LRMDA: variants seen among roughly 807,000 people sequenced by gnomAD.
LRMDA encodes leucine-rich melanocyte differentiation-associated protein.
In LRMDA, 18 loss-of-function variants were observed where a neutral mutation model predicts 29.8. The ratio of observed to expected loss-of-function variants is 0.60; its 90% CI spans 0.42 to 0.90. The LOEUF (loss-of-function observed/expected upper bound fraction) is 0.90. Among genes scored for constraint, LRMDA ranks in the 40% least tolerant of loss-of-function variants. The pLI, the probability that LRMDA is intolerant of heterozygous loss-of-function variation, is 0.00. For missense variants in LRMDA, 273 were observed against 273.9 expected (o/e 1.00, Z 0.02); for synonymous variants, 125 against 109.4 (o/e 1.14, Z -0.89).
In LRMDA at chr10:75,915,043, A is replaced by C. The variant is rs549700000; in HGVS notation, c.132-120965A>C. On this transcript the variant is annotated intron_variant, in intron 2 of 6. Transcript: ENST00000611255. ...AAGTTACTATGTCATGACTGACTAC[A>C]AATACTATAGCTTTATATTATAATG... Among the ~76,000 whole-genome samples, 64 of 152,096 alleles carry C rather than the reference A, an allele frequency of 4.2e-4. No individual in the cohort carries two copies. The South Asian group carries it at 0.011, about 27-fold the overall frequency.
At chr10:76,214,356 A>G (rs11001690) in intron 5 of LRMDA, among the ~76,000 whole-genome samples, 1 of 119,346 alleles carries the variant, frequency 8.4e-6, no homozygotes, top group Non-Finnish European at 1.6e-5. Context: ...TTTTTTTTTT[A>G]TGAGACGGAG....
At chr10:75,723,026 C>T (rs1019628455) in intron 2 of LRMDA, among the ~76,000 whole-genome samples, 1 of 152,194 alleles carries the variant, frequency 6.6e-6, no homozygotes, top group Non-Finnish European at 1.5e-5. Context: ...TCAATTTAGT[C>T]TTCTATTGAA....
intron 2 of LRMDA, among the ~76,000 whole-genome samples, chr10:75,483,189 C>T (rs1232766833): frequency 2.0e-5 from 3 of 152,234 alleles, no homozygotes; most frequent in East Asian, 1.9e-4. Flanking sequence ...TCAGGCAATC[C>T]ACCCGCCTCA....
At chr10:76,492,614 C>T (rs1273337014) in intron 6 of LRMDA, among the ~76,000 whole-genome samples, 1 of 151,948 alleles carries the variant, frequency 6.6e-6, no homozygotes, top group East Asian at 1.9e-4. Context: ...TGTATTAATT[C>T]GTTTTCATAC....
intron 5 of LRMDA, among the ~76,000 whole-genome samples, chr10:76,257,414 A>G (rs540601222): frequency 6.6e-6 from 1 of 151,334 alleles, no homozygotes; most frequent in Admixed American, 6.6e-5. Flanking sequence ...GCTCACTGCA[A>G]CCTCTGGCTC....
chr10:75,840,640 GA>G (rs937493447), intron 2 of LRMDA, among the ~76,000 whole-genome samples: 2 of 152,152 alleles, frequency 1.3e-5, no homozygotes, highest in African/African-American at 4.8e-5. Flanking sequence ...AACTGGAGGG[GA>G]AAAAACCTAC....
At chr10:75,805,218 A>G (rs1400197697) in intron 2 of LRMDA, among the ~76,000 whole-genome samples, 1 of 152,132 alleles carries the variant, frequency 6.6e-6, no homozygotes, top group African/African-American at 2.4e-5. Flanking sequence ...TTTTAGCCCT[A>G]AAGTACTGTG....
intron 2 of LRMDA, among the ~76,000 whole-genome samples, chr10:75,766,789 C>T (rs1177275409): frequency 2.0e-5 from 3 of 152,040 alleles, no homozygotes; most frequent in Non-Finnish European, 4.4e-5. Flanking sequence ...TGCCCTCCCT[C>T]CCCTTTCCCC....
chr10:75,740,451 C>T (rs1453504826), intron 2 of LRMDA, among the ~76,000 whole-genome samples: 1 of 152,166 alleles, frequency 6.6e-6, no homozygotes, highest in East Asian at 1.9e-4. Flanking sequence ...TGTGTGATGT[C>T]TGGATTTAGG....
intron 2 of LRMDA, among the ~76,000 whole-genome samples, chr10:75,967,161 G>A (rs905699195): frequency 5.3e-5 from 8 of 152,160 alleles, no homozygotes; most frequent in African/African-American, 9.7e-5. Context: ...CCAATCCCTC[G>A]TCCCTCCTTT....
At chr10:75,881,632 C>G (rs1845296374) in intron 2 of LRMDA, among the ~76,000 whole-genome samples, 1 of 152,154 alleles carries the variant, frequency 6.6e-6, no homozygotes, top group Non-Finnish European at 1.5e-5. Context: ...TTTCCACAAC[C>G]AGTGAGACTG....
rs1478329726 is a variant in LRMDA at position 76,557,970 on chromosome 10, A to G, written c.*682A>G. 6.6e-6 allele frequency: 1 copy of G among 152,132 alleles called. No homozygotes were observed. Among genetic ancestry groups the G allele is most frequent in the Non-Finnish European group, 1.5e-5 (1 of 68,088 alleles). The allele number at this position is 152,132 out of a possible 1,614,324, so 9.4% of individuals were successfully genotyped here. Reference sequence around the variant, plus strand: ...GGCTTCATGTTGCTACAATCCCTTTATTGGCGTAAATAGCTTTCCCTAAAT... The same window carrying G: ...GGCTTCATGTTGCTACAATCCCTTTGTTGGCGTAAATAGCTTTCCCTAAAT... On this transcript the variant is annotated 3_prime_UTR_variant, in exon 7 of 7. Transcript: ENST00000611255.
At chr10:76,075,700 G>A (rs1848945433) in intron 5 of LRMDA, among the ~76,000 whole-genome samples, 1 of 152,176 alleles carries the variant, frequency 6.6e-6, no homozygotes, top group African/African-American at 2.4e-5. Flanking sequence ...TTGCTCATCT[G>A]TAAAATGGGT....
intron 2 of LRMDA, among the ~76,000 whole-genome samples, chr10:75,718,281 C>G (rs1454950472): frequency 1.9e-4 from 29 of 152,210 alleles, no homozygotes; most frequent in Admixed American, 1.8e-3. Flanking sequence ...TTGAGCTGTT[C>G]TCTTCTGGGT....
At chr10:76,311,269 G>A (rs942943827) in intron 5 of LRMDA, among the ~76,000 whole-genome samples, 3 of 152,036 alleles carry the variant, frequency 2.0e-5, no homozygotes, top group South Asian at 2.1e-4. Flanking sequence ...TACTTTAATC[G>A]GATAGAAACT....
intron 6 of LRMDA, among the ~76,000 whole-genome samples, chr10:76,366,239 C>T (rs1841390940): frequency 6.6e-6 from 1 of 152,038 alleles, no homozygotes; most frequent in Admixed American, 6.6e-5. Context: ...TTTTTGGTTC[C>T]ATAAGCATTT....
chr10:75,535,419 A>G (rs1839934700), intron 2 of LRMDA, among the ~76,000 whole-genome samples: 1 of 152,046 alleles, frequency 6.6e-6, no homozygotes, highest in East Asian at 1.9e-4. Context: ...TCGTCCTTTT[A>G]TGAAGTGCAC....
chr10:76,398,305 A>T (rs1450873503), intron 6 of LRMDA, among the ~76,000 whole-genome samples: 1 of 152,152 alleles, frequency 6.6e-6, no homozygotes, highest in Non-Finnish European at 1.5e-5. Flanking sequence ...TCTTCTAGTA[A>T]TGCAGAAAAT....
In LRMDA at chr10:76,023,405, AC is replaced by A. The variant is rs1231574466; in HGVS notation, c.132-12602del. Among the ~76,000 whole-genome samples the A allele has an allele frequency of 2.0e-5, 3 of 152,180 alleles. No homozygotes were observed. The East Asian group carries it at 5.8e-4, about 29-fold the overall frequency. The stretch of plus-strand genomic sequence containing the variant: ...ATCGTTTTTATTAATCAGATTTCAT[AC>A]TTGAGGCTTGAAACATGCCCTGCTC... On this transcript the variant is annotated intron_variant, in intron 2 of 6. Transcript: ENST00000611255.
Sources: allele counts gnomAD v4.1 joint callset (sites outside exome capture counted in the v4.1 genomes callset), GRCh38; gene constraint gnomAD v4.1.1; transcripts MANE v1.5; gene names NCBI Gene and HGNC (gene_info 2026-07-23, HGNC 2026-07-21).